ENOX1: variants seen among roughly 807,000 people sequenced by gnomAD.
ENOX1 encodes candidate growth-related and time keeping constitutive hydroquinone (NADH) oxidase.
A neutral mutation model predicts 82.5 loss-of-function variants in ENOX1; 42 were observed. That is an observed-to-expected ratio of 0.51 (90% confidence interval 0.40 to 0.66). The LOEUF (loss-of-function observed/expected upper bound fraction) is 0.66. ENOX1 is among the 30% of genes least tolerant of loss of function. The pLI is 0.00. For synonymous variants in ENOX1, 271 were observed against 282.2 expected, an observed-to-expected ratio of 0.96 and a Z score of 0.40; for missense variants, 608 against 811.6, an observed-to-expected ratio of 0.75 and a Z score of 3.05.
intron 1 of ENOX1, among the ~76,000 whole-genome samples, chr13:43,706,484 A>G (rs2087293496): frequency 6.6e-6 from 1 of 152,138 alleles, no homozygotes; most frequent in African/African-American, 2.4e-5. Context: ...ACTCAGAAAG[A>G]TGTAAAAGCT....
At chr13:43,593,252 A>G (rs1045283202) in intron 2 of ENOX1, among the ~76,000 whole-genome samples, 6 of 152,158 alleles carry the variant, frequency 3.9e-5, no homozygotes, top group African/African-American at 1.2e-4. Context: ...CCCAAAATGC[A>G]TCCTCAGGCC....
At chr13:43,571,534 T>C (rs2080178964) in intron 2 of ENOX1, among the ~76,000 whole-genome samples, 1 of 129,208 alleles carries the variant, frequency 7.7e-6, no homozygotes, top group African/African-American at 3.0e-5. Flanking sequence ...AAAAAAAAAA[T>C]ACAAAATTAG....
chr13:43,258,075 C>G (rs1156741990), intron 14 of ENOX1, among the ~76,000 whole-genome samples: 2 of 152,222 alleles, frequency 1.3e-5, no homozygotes, highest in African/African-American at 4.8e-5. Context: ...GGACAAACTT[C>G]TAGCCCCAGC....
At chr13:43,706,346 T>C (rs1285624568) in intron 1 of ENOX1, among the ~76,000 whole-genome samples, 2 of 151,468 alleles carry the variant, frequency 1.3e-5, no homozygotes, top group South Asian at 2.1e-4. Context: ...CAGGGCCAAT[T>C]TGGGTTCTTG....
intron 14 of ENOX1, among the ~76,000 whole-genome samples, chr13:43,239,830 C>T (rs545898536): frequency 1.9e-4 from 29 of 152,260 alleles, no homozygotes; most frequent in African/African-American, 6.7e-4. Context: ...TTTACCTTTT[C>T]CAATTATTAG....
At chr13:43,754,051 T>TGTATACATATATACGTATATAAATACAC in intron 1 of ENOX1, among the ~76,000 whole-genome samples, 1 of 117,752 alleles carries the variant, frequency 8.5e-6, no homozygotes, top group Non-Finnish European at 1.7e-5. Context: ...TAAATACACA[T>TGTATACATATATACGTATATAAATACAC]ATATATACAT....
chr13:43,754,266 C>A (rs1356986590), intron 1 of ENOX1, among the ~76,000 whole-genome samples: 1 of 138,022 alleles, frequency 7.2e-6, no homozygotes, highest in African/African-American at 2.6e-5. Flanking sequence ...TACATATATA[C>A]ACACACACAT....
At chr13:43,562,280 G>T (rs1308240034) in intron 2 of ENOX1, among the ~76,000 whole-genome samples, 1 of 152,018 alleles carries the variant, frequency 6.6e-6, no homozygotes, top group Non-Finnish European at 1.5e-5. Flanking sequence ...CTCTTTATTA[G>T]TTTGTTTATG....
intron 1 of ENOX1, among the ~76,000 whole-genome samples, chr13:43,754,005 C>CATATGTATACACATATATATACATAT (rs1211524998): frequency 1.0e-4 from 2 of 19,606 alleles, no homozygotes; most frequent in African/African-American, 3.0e-4. Flanking sequence ...TGTATATATA[C>CATATGTATACACATATATATACATAT]ATATGTATAC....
intron 2 of ENOX1, among the ~76,000 whole-genome samples, chr13:43,645,843 T>C (rs1042923896): frequency 1.3e-5 from 2 of 152,238 alleles, no homozygotes; most frequent in Admixed American, 1.3e-4. Flanking sequence ...TAGTTTCTAT[T>C]GGGTGACAAT....
chr13:43,694,645 A>T (rs1039024395), intron 1 of ENOX1, among the ~76,000 whole-genome samples: 3 of 152,232 alleles, frequency 2.0e-5, no homozygotes, highest in Non-Finnish European at 2.9e-5. Context: ...TGTCACTTTT[A>T]TAATGCCACA....
intron 2 of ENOX1, among the ~76,000 whole-genome samples, chr13:43,526,964 T>C (rs187532889): frequency 3.0e-3 from 463 of 152,080 alleles, no homozygotes; most frequent in African/African-American, 9.3e-3. Flanking sequence ...ACAGCATTCC[T>C]CCCCTCTGGA....
At chr13:43,454,802 T>C (rs1443039530) in intron 3 of ENOX1, among the ~76,000 whole-genome samples, 1 of 152,066 alleles carries the variant, frequency 6.6e-6, no homozygotes, top group Non-Finnish European at 1.5e-5. Context: ...TAACCATTCA[T>C]GAACTACCCA....
chr13:43,593,640 C>A, intron 2 of ENOX1, among the ~76,000 whole-genome samples: 1 of 136,690 alleles, frequency 7.3e-6, no homozygotes, highest in Non-Finnish European at 1.6e-5. Flanking sequence ...ATTCTATTCC[C>A]CCACCCCCAC....
intron 1 of ENOX1, among the ~76,000 whole-genome samples, chr13:43,689,251 G>A (rs1015637830): frequency 1.3e-5 from 2 of 152,170 alleles, no homozygotes; most frequent in African/African-American, 4.8e-5. Flanking sequence ...GAGAGGTCAA[G>A]AAGGCATGAA....
chr13:43,595,378 C>A (rs2081419549), intron 2 of ENOX1, among the ~76,000 whole-genome samples: 1 of 152,030 alleles, frequency 6.6e-6, no homozygotes. Flanking sequence ...CTTTCATCCT[C>A]CAGTCAGCAG....
intron 2 of ENOX1, among the ~76,000 whole-genome samples, chr13:43,665,320 T>G (rs1477391627): frequency 6.6e-6 from 1 of 152,174 alleles, no homozygotes; most frequent in Non-Finnish European, 1.5e-5. Context: ...TAAGCAACTC[T>G]AAAGAACAGA....
chr13:43,229,108 A>G (rs1287282263), intron 15 of ENOX1, among the ~76,000 whole-genome samples: 3 of 152,308 alleles, frequency 2.0e-5, no homozygotes, highest in Non-Finnish European at 4.4e-5. Context: ...TGGTTTTATA[A>G]GGGGAAACTT....
At chr13:43,324,793 C>T (rs961896397) in intron 10 of ENOX1, among the ~76,000 whole-genome samples, 2 of 152,082 alleles carry the variant, frequency 1.3e-5, no homozygotes, top group African/African-American at 2.4e-5. Context: ...CTGCTCCCCA[C>T]CACACCCACG....
Sources: allele counts gnomAD v4.1 joint callset (sites outside exome capture counted in the v4.1 genomes callset), GRCh38; gene constraint gnomAD v4.1.1; transcripts MANE v1.5; gene names NCBI Gene and HGNC (gene_info 2026-07-23, HGNC 2026-07-21).